Variants in FANCM observed in about 807,000 individuals in gnomAD.
FANCM encodes the protein FA complementation group M, also known as Fanconi anemia group M protein.
In FANCM, 140 loss-of-function variants were observed where a neutral mutation model predicts 199.5. The observed-to-expected ratio is 0.70, with a 90% CI of 0.61 to 0.81. FANCM has a LOEUF of 0.81. FANCM is among the 30% of genes least tolerant of loss of function. FANCM has a pLI of 0.00. For synonymous variants in FANCM, 840 were observed against 836.8 expected, an observed-to-expected ratio of 1.00 and a Z score of -0.07; for missense variants, 2,410 against 2,421.4, an observed-to-expected ratio of 1.00 and a Z score of 0.10.
intron 21 of FANCM, chr14:45,198,403 G>A (rs1443609945): frequency 2.9e-6 from 1 of 346,120 alleles, no homozygotes; most frequent in East Asian, 4.8e-5. Flanking sequence ...AATTATCTAG[G>A]AATATAAGCT....
chr14:45,197,219 A>G (rs1890107826), intron 21 of FANCM, among the ~76,000 whole-genome samples: 1 of 152,180 alleles, frequency 6.6e-6, no homozygotes, highest in Non-Finnish European at 1.5e-5. Flanking sequence ...TATTGCATTG[A>G]CAAATCACTC....
rs141336758 is a variant in FANCM, at chr14:45,148,837, G to A, written c.760G>A (p.Ala254Thr). ...LSATPGSDIKAVQQVITNLLI... is the reference protein window; with the variant it reads ...LSATPGSDIKTVQQVITNLLI... ...ATCATACTTAATTGATTTCATATAG[G>A]CTGTGCAACAAGTTATTACTAACCT... The change falls in exon 4 of 23, where the codon GCT becomes ACT. Residue 254 changes from alanine (A) to threonine (T), a missense_variant and splice_region_variant. Physicochemically the swap from Ala to Thr is moderately conservative, Grantham distance 58. Coordinates refer to ENST00000267430, the MANE Select transcript of FANCM (RefSeq NM_020937.4). 4.4e-6 allele frequency: 7 copies of A among 1,600,192 alleles called. No individual in the cohort carries two copies. The South Asian group carries it at 5.5e-5, about 13-fold the overall frequency.
chr14:45,171,545 T>C (rs1888341344), intron 12 of FANCM, among the ~76,000 whole-genome samples: 1 of 152,124 alleles, frequency 6.6e-6, no homozygotes, highest in African/African-American at 2.4e-5. Flanking sequence ...CCTCATAGCT[T>C]AGCTCTTACT....
intron 14 of FANCM, among the ~76,000 whole-genome samples, chr14:45,177,479 C>T (rs1195422881): frequency 6.6e-6 from 1 of 152,092 alleles, no homozygotes; most frequent in Non-Finnish European, 1.5e-5. Flanking sequence ...GCAACCTCCG[C>T]CTCCCAGGTT....
chr14:45,189,435 G>A, intron 20 of FANCM, 73 bp downstream of exon 20: 2 of 1,230,398 alleles, frequency 1.6e-6, no homozygotes, highest in Admixed American at 3.8e-5. Context: ...TTGTGTGTGT[G>A]TTTTGTATTA....
In FANCM at chr14:45,153,995, C is replaced by T; in HGVS notation, c.1126C>T (p.Gln376Ter). ...ATATCATGGTTATGAATTATTGCAG[C>T]AAATGGGAATGAGATCATTATATTT... ...SLYHGYELLQ[Q>*]MGMRSLYFFL... is the part of the protein sequence containing the mutation. Residue 376 changes from glutamine to a stop codon, truncating the protein, a stop_gained, in exon 6 of 23, where the codon CAA (glutamine) becomes TAA (stop). Coordinates refer to ENST00000267430, the MANE Select transcript of FANCM (RefSeq NM_020937.4). LOFTEE classifies it high-confidence loss of function. 6.3e-7 allele frequency: 1 copy of T among 1,588,778 alleles called. No homozygotes were observed.
At chr14:45,185,960 G>A (rs547112455) in intron 18 of FANCM, among the ~76,000 whole-genome samples, 60 of 152,156 alleles carry the variant, frequency 3.9e-4, no homozygotes, top group African/African-American at 1.1e-3. Flanking sequence ...GTGCAGTGGC[G>A]CAGTCATAGT....
intron 10 of FANCM, among the ~76,000 whole-genome samples, chr14:45,166,345 G>A (rs1443250642): frequency 6.6e-6 from 1 of 151,972 alleles, no homozygotes; most frequent in Non-Finnish European, 1.5e-5. Flanking sequence ...CACCATATTG[G>A]CGAGGCTGAT....
rs1890272153 is a variant in FANCM at position 45,199,963 on chromosome 14, G to A, written c.6102G>A (p.Met2034Ile). Residue 2034 changes from methionine (M) to isoleucine (I), a missense_variant, in exon 23 of 23, where the codon ATG (methionine) becomes ATA (isoleucine). Met to Ile is a conservative substitution (Grantham distance 10, BLOSUM62 1). Transcript: ENST00000267430. ...TTCACTATGTATTTGACATACAAAT[G>A]TTACCAAATGATCTTAACCAAGATA... ...RYIHYVFDIQ[M>I]LPNDLNQDRL... 2.5e-6 allele frequency: 4 copies of A among 1,607,454 alleles called. No homozygotes were observed. The highest frequency in any genetic ancestry group is 3.4e-6 in the Non-Finnish European group (4 of 1,174,462).
At position 45,176,110 on chromosome 14, in the gene FANCM, A is replaced by G. The variant is rs779955686; in HGVS notation, c.3356A>G (p.Asp1119Gly). Reference protein sequence around the residue: ...NLVGENNHDVDNSDLPVLSTD... With the variant: ...NLVGENNHDVGNSDLPVLSTD... ...GTTGGAGAGAACAATCATGATGTTGATAACAGTGACCTCCCAGTATTGTCC... is the reference window on the plus strand; with the variant it reads ...GTTGGAGAGAACAATCATGATGTTGGTAACAGTGACCTCCCAGTATTGTCC... Residue 1119 changes from aspartate (D) to glycine (G), a missense_variant, in exon 14 of 23, where the codon GAT (aspartate) becomes GGT (glycine). Asp to Gly is a moderately conservative substitution (Grantham distance 94). Transcript: ENST00000267430. 3.7e-6 allele frequency: 6 copies of G among 1,613,972 alleles called. No homozygotes were observed. The highest frequency in any genetic ancestry group is 4.5e-5 in the East Asian group (2 of 44,874).
At chr14:45,150,059 A>G (rs1262555989) in intron 4 of FANCM, among the ~76,000 whole-genome samples, 1 of 152,192 alleles carries the variant, frequency 6.6e-6, no homozygotes, top group Non-Finnish European at 1.5e-5. Context: ...GTAGTTCATA[A>G]TTAGTGTCAT....
At chr14:45,149,345 C>T (rs1391040632) in intron 4 of FANCM, among the ~76,000 whole-genome samples, 4 of 152,070 alleles carry the variant, frequency 2.6e-5, no homozygotes, top group Non-Finnish European at 5.9e-5. Flanking sequence ...GTGTATTGCT[C>T]AGTGAATTTT....
In FANCM at chr14:45,170,674, C is replaced by T. The variant is rs2139226635; in HGVS notation, c.2088C>T (p.Asp696=). Residue 696 remains aspartate (D), a synonymous_variant, in exon 12 of 23, where the codon GAC becomes GAT. Coordinates refer to ENST00000267430, the MANE Select transcript of FANCM (RefSeq NM_020937.4). The stretch of plus-strand genomic sequence containing the variant: ...GGAACAGACTTTATAGATTAAGGGA[C>T]AGTGATGAAATTAAAGAGATAACAT... ...KLWNRLYRLR[D]SDEIKEITLP... 1 of 1,605,056 alleles carries T rather than the reference C, an allele frequency of 6.2e-7. No homozygotes were observed. The highest frequency in any genetic ancestry group is 8.5e-7 in the Non-Finnish European group (1 of 1,171,932).
intron 3 of FANCM, among the ~76,000 whole-genome samples, chr14:45,146,308 A>C (rs916216282): frequency 2.0e-5 from 3 of 151,808 alleles, no homozygotes; most frequent in Non-Finnish European, 2.9e-5. Flanking sequence ...TATGAAGTGA[A>C]TACCAGGTAC....
chr14:45,164,691 C>A (rs1054319634), intron 10 of FANCM, 126 bp downstream of exon 10: 8 of 750,046 alleles, frequency 1.1e-5, no homozygotes, highest in African/African-American at 1.1e-4. Context: ...TATTTTCCCC[C>A]ACTTTGTATT....
rs554117399 is a variant in FANCM at position 45,140,583 on chromosome 14, T to C, written c.682-49T>C. 1.3e-3 allele frequency: 1,309 copies of C among 979,492 alleles called. 20 individuals are homozygous for C. The South Asian group carries it at 0.016, about 12-fold the overall frequency. The allele number at this position is 979,492 out of a possible 1,614,324, so 60.7% of individuals were successfully genotyped here. ...AATAGGTTGTTTAACAGAACCACTG[T>C]TATTTTTGCATTGAACAGATGAAAC... On this transcript the variant is annotated intron_variant, in intron 2 of 22. Coordinates refer to ENST00000267430, the MANE Select transcript of FANCM (RefSeq NM_020937.4).
intron 20 of FANCM, among the ~76,000 whole-genome samples, chr14:45,192,025 A>G (rs1007983641): frequency 1.3e-5 from 2 of 152,120 alleles, no homozygotes; most frequent in African/African-American, 4.8e-5. Flanking sequence ...CTCCTTCATT[A>G]CATTTATTAT....
chr14:45,168,244 G>T (rs1240115015), intron 11 of FANCM, among the ~76,000 whole-genome samples: 1 of 151,622 alleles, frequency 6.6e-6, no homozygotes, highest in Non-Finnish European at 1.5e-5. Flanking sequence ...TGTTTTTTTG[G>T]CTATGTCTAT....
At position 45,136,174 on chromosome 14, in the gene FANCM, C is replaced by G. The variant is rs1214787997; in HGVS notation, c.143C>G (p.Ala48Gly). ...GCGCCTTTGCCAGCAGCAGCGGAGGCTCAGCTGGAGTCGGACGATGATGTG... is the reference window on the plus strand; with the variant it reads ...GCGCCTTTGCCAGCAGCAGCGGAGGGTCAGCTGGAGTCGGACGATGATGTG... ...SKAPLPAAAE[A>G]QLESDDDVLL... Residue 48 changes from alanine (A) to glycine (G), a missense_variant, in exon 1 of 23, where the codon GCT (alanine) becomes GGT (glycine). Transcript: ENST00000267430. 6.2e-7 allele frequency: 1 copy of G among 1,614,214 alleles called. No individual in the cohort carries two copies. Among genetic ancestry groups the G allele is most frequent in the Non-Finnish European group, 8.5e-7 (1 of 1,180,044 alleles).
Sources: allele counts gnomAD v4.1 joint callset (sites outside exome capture counted in the v4.1 genomes callset), GRCh38; gene constraint gnomAD v4.1.1; transcripts MANE v1.5; gene names NCBI Gene and HGNC (gene_info 2026-07-23, HGNC 2026-07-21).